PKIB: variants seen among roughly 807,000 people sequenced by gnomAD.
PKIB encodes the protein PKI-beta.
A neutral mutation model predicts 4.5 loss-of-function variants in PKIB; 2 were observed. That is an observed-to-expected ratio of 0.44 (90% CI 0.18 to 1.39). PKIB has a LOEUF of 1.39. Among genes scored for constraint, PKIB ranks in the 40% most tolerant of loss-of-function variants. PKIB has a pLI of 0.27. For missense variants in PKIB, 94 were observed against 92.6 expected, an observed-to-expected ratio of 1.02 and a Z score of -0.06; for synonymous variants, 38 against 36.0, an observed-to-expected ratio of 1.06 and a Z score of -0.20.
At chr6:122,536,444 T>C (rs576645436) in intron 2 of PKIB, among the ~76,000 whole-genome samples, 3 of 152,170 alleles carry the variant, frequency 2.0e-5, no homozygotes, top group Admixed American at 6.6e-5. Flanking sequence ...GCATTTTGCA[T>C]AGGGACATCT....
intron 2 of PKIB, among the ~76,000 whole-genome samples, chr6:122,637,443 C>T (rs1562279971): frequency 6.6e-6 from 1 of 152,028 alleles, no homozygotes; most frequent in African/African-American, 2.4e-5. Flanking sequence ...GTGAAGAATA[C>T]ATAATATATC....
intron 1 of PKIB, among the ~76,000 whole-genome samples, chr6:122,619,873 C>G (rs901459484): frequency 1.3e-5 from 2 of 152,072 alleles, no homozygotes; most frequent in Non-Finnish European, 2.9e-5. Context: ...CAAAACCATT[C>G]CATCATGCTA....
At chr6:122,717,580 G>A in intron 3 of PKIB, 1 of 514,758 alleles carries the variant, frequency 1.9e-6, no homozygotes, top group Non-Finnish European at 3.4e-6. Context: ...TTAGCAATCT[G>A]GCTCACACTG....
At chr6:122,647,264 A>G (rs1776358610) in intron 2 of PKIB, among the ~76,000 whole-genome samples, 2 of 152,184 alleles carry the variant, frequency 1.3e-5, no homozygotes, top group Non-Finnish European at 2.9e-5. Flanking sequence ...GACCACTAAG[A>G]TATTGAGGAT....
chr6:122,501,444 C>G (rs1180804558), intron 2 of PKIB, among the ~76,000 whole-genome samples: 1 of 152,208 alleles, frequency 6.6e-6, no homozygotes, highest in Non-Finnish European at 1.5e-5. Context: ...CCTCTGATAT[C>G]TAGGAAGAGG....
At chr6:122,700,257 T>C (rs9372711) in intron 3 of PKIB, among the ~76,000 whole-genome samples, 39,866 of 112,818 alleles carry the variant, frequency 0.35, 4,757 homozygotes, top group Non-Finnish European at 0.43. Context: ...CTTTCTTTTT[T>C]TTTTTTTTTT....
intron 2 of PKIB, among the ~76,000 whole-genome samples, chr6:122,509,766 T>C (rs1426237969): frequency 6.6e-6 from 1 of 152,102 alleles, no homozygotes; most frequent in Non-Finnish European, 1.5e-5. Context: ...CTGTAAGCAT[T>C]TTTATGGTAT....
At chr6:122,506,027 A>T (rs1396191060) in intron 2 of PKIB, among the ~76,000 whole-genome samples, 1 of 152,168 alleles carries the variant, frequency 6.6e-6, no homozygotes, top group Non-Finnish European at 1.5e-5. Context: ...AAGGCCCATA[A>T]TGACTGTTAT....
intron 2 of PKIB, among the ~76,000 whole-genome samples, chr6:122,527,813 A>T (rs1176709278): frequency 6.6e-6 from 1 of 152,200 alleles, no homozygotes; most frequent in East Asian, 1.9e-4. Flanking sequence ...GGTTTGCTTG[A>T]TGCGAGGTTG....
chr6:122,716,058 C>A (rs887443517), intron 3 of PKIB, among the ~76,000 whole-genome samples: 25 of 152,060 alleles, frequency 1.6e-4, no homozygotes, highest in African/African-American at 4.1e-4. Flanking sequence ...TGGTTTTCCT[C>A]TTGGAAAATG....
intron 2 of PKIB, among the ~76,000 whole-genome samples, chr6:122,583,484 C>G (rs540838513): frequency 6.6e-6 from 1 of 152,174 alleles, no homozygotes; most frequent in Admixed American, 6.5e-5. Flanking sequence ...AAATGACTTT[C>G]TGAAATACCT....
chr6:122,618,051 T>C (rs1775068420), intron 1 of PKIB, among the ~76,000 whole-genome samples: 1 of 151,986 alleles, frequency 6.6e-6, no homozygotes. Context: ...TATGAAACAG[T>C]TTTTGGTTAG....
At chr6:122,548,812 C>T (rs1772582596) in intron 2 of PKIB, among the ~76,000 whole-genome samples, 2 of 151,930 alleles carry the variant, frequency 1.3e-5, no homozygotes, top group South Asian at 2.1e-4. Context: ...GTTTTTATTC[C>T]ATTCACATGG....
At chr6:122,720,903 C>T (rs975492633) in intron 4 of PKIB, among the ~76,000 whole-genome samples, 3 of 152,100 alleles carry the variant, frequency 2.0e-5, no homozygotes, top group African/African-American at 7.2e-5. Context: ...GGTTTCACCA[C>T]GTTGGGCAGG....
intron 2 of PKIB, among the ~76,000 whole-genome samples, chr6:122,535,111 C>T (rs1305480172): frequency 6.6e-6 from 1 of 152,112 alleles, no homozygotes; most frequent in East Asian, 1.9e-4. Flanking sequence ...CTCTTCTTTA[C>T]ATCTAACTGT....
intron 2 of PKIB, among the ~76,000 whole-genome samples, chr6:122,507,502 T>C (rs965113524): frequency 3.3e-5 from 5 of 152,084 alleles, no homozygotes; most frequent in African/African-American, 1.2e-4. Context: ...TTAGTGGGTT[T>C]TGTTGTGTCT....
chr6:122,488,792 A>G (rs1775849820), intron 2 of PKIB, among the ~76,000 whole-genome samples: 1 of 152,234 alleles, frequency 6.6e-6, no homozygotes, highest in South Asian at 2.1e-4. Flanking sequence ...CTTTCCCACC[A>G]GGCAGAGGTA....
In PKIB at chr6:122,705,685, C is replaced by G. The variant is rs1391245326; in HGVS notation, c.-8-12102C>G. Among the ~76,000 whole-genome samples, 7 of 151,400 alleles carry G rather than the reference C, an allele frequency of 4.6e-5. No homozygotes were observed. The East Asian group carries it at 1.4e-3, about 30-fold the overall frequency. ...GGTTCAAGTGATTCTCCTGCCTTGG[C>G]CTCCTAAGTAGCTGGGATTACAGGC... On this transcript the variant is annotated intron_variant, in intron 3 of 4. Transcript: ENST00000368452.
chr6:122,644,679 A>G (rs912823620), intron 2 of PKIB: 5 of 152,228 alleles, frequency 3.3e-5, no homozygotes, highest in Non-Finnish European at 5.9e-5. Flanking sequence ...TGATGTCTAC[A>G]AACAGTACTT....
Sources: gnomAD v4.1 joint callset for allele counts (sites outside exome capture counted in the v4.1 genomes callset) on GRCh38, gnomAD v4.1.1 for gene constraint, MANE v1.5 for transcripts, NCBI Gene and HGNC (gene_info 2026-07-23, HGNC 2026-07-21) for gene names.